BLTP1: variants seen among roughly 807,000 people sequenced by gnomAD.
BLTP1 encodes the protein bridge-like lipid transfer protein family member 1.
the BLTP1 span, chr4:122,243,886 C>G: frequency 6.2e-7 from 1 of 1,600,780 alleles, no homozygotes; most frequent in South Asian, 1.1e-5. Context: ...AAAAAACTCG[C>G]TGATAACACA....
chr4:122,355,718 T>G, the BLTP1 span: 1 of 1,427,414 alleles, frequency 7.0e-7, no homozygotes, highest in Non-Finnish European at 9.3e-7. Context: ...CTGTATATTA[T>G]AGTTGTCTTG....
the BLTP1 span, among the ~76,000 whole-genome samples, chr4:122,166,334 C>G: frequency 6.6e-6 from 1 of 152,236 alleles, no homozygotes; most frequent in African/African-American, 2.4e-5. Context: ...ATAGGGAATC[C>G]TTTCCCCATT....
chr4:122,312,305 G>A, the BLTP1 span, among the ~76,000 whole-genome samples: 5 of 152,024 alleles, frequency 3.3e-5, no homozygotes, highest in Non-Finnish European at 5.9e-5. Flanking sequence ...CAAAGCACTG[G>A]GATTATAGGT....
At chr4:122,346,908 C>A in the BLTP1 span, 1 of 1,372,288 alleles carries the variant, frequency 7.3e-7, no homozygotes, top group Non-Finnish European at 9.6e-7. Context: ...AATATGCCAA[C>A]CACAAGGGAT....
the BLTP1 span, among the ~76,000 whole-genome samples, chr4:122,280,663 A>G: frequency 8.1e-6 from 1 of 122,778 alleles, no homozygotes. Context: ...AATTCCATCT[A>G]AAAAAAAAAA....
the BLTP1 span, among the ~76,000 whole-genome samples, chr4:122,296,114 A>G: frequency 2.6e-5 from 4 of 152,262 alleles, no homozygotes; most frequent in East Asian, 7.7e-4. Flanking sequence ...GAAAGTGTAT[A>G]CAAATAGGAA....
the BLTP1 span, among the ~76,000 whole-genome samples, chr4:122,214,813 T>C: frequency 6.6e-6 from 1 of 151,926 alleles, no homozygotes; most frequent in Admixed American, 6.6e-5. Flanking sequence ...GGTTTCGCCA[T>C]GTTGCGCAGG....
At chr4:122,362,228 A>G in the BLTP1 span, 1 of 1,612,792 alleles carries the variant, frequency 6.2e-7, no homozygotes, top group Non-Finnish European at 8.5e-7. Context: ...AAGAAAGGCA[A>G]AGACAAAGAA....
At chr4:122,212,090 T>G in the BLTP1 span, 1 of 983,958 alleles carries the variant, frequency 1.0e-6, no homozygotes, top group Non-Finnish European at 1.2e-6. Context: ...GACTAGGATG[T>G]TTAGGGTTGG....
the BLTP1 span, chr4:122,199,242 G>T: frequency 7.1e-7 from 1 of 1,405,352 alleles, no homozygotes; most frequent in Non-Finnish European, 9.5e-7. Context: ...TTTAAATAGT[G>T]ACTACCATTT....
chr4:122,340,917 T>C, the BLTP1 span: 2 of 764,176 alleles, frequency 2.6e-6, no homozygotes, highest in Non-Finnish European at 3.2e-6. Flanking sequence ...CACTACAACA[T>C]TTCTGTAGTG....
the BLTP1 span, chr4:122,274,395 G>C: frequency 1.9e-6 from 3 of 1,605,002 alleles, no homozygotes; most frequent in African/African-American, 4.0e-5. Context: ...ATATTGGTGG[G>C]GTTAATATTG....
the BLTP1 span, chr4:122,339,057 G>A: frequency 1.3e-6 from 1 of 785,938 alleles, no homozygotes; most frequent in East Asian, 2.8e-5. Flanking sequence ...TAGATGTTGT[G>A]GTTTATGTAT....
chr4:122,258,563 G>A, the BLTP1 span: 1 of 1,110,154 alleles, frequency 9.0e-7, no homozygotes, highest in East Asian at 2.8e-5. Flanking sequence ...GAGAGGATTG[G>A]GGTGGGGGAG....
the BLTP1 span, chr4:122,269,192 ACAG>A: frequency 2.2e-6 from 1 of 444,516 alleles, no homozygotes; most frequent in Non-Finnish European, 3.0e-6. Flanking sequence ...ATGTATACAT[ACAG>A]TCTATGTTTT....
the BLTP1 span, chr4:122,154,131 G>A: frequency 1.4e-5 from 4 of 284,834 alleles, no homozygotes; most frequent in Non-Finnish European, 1.8e-5. Context: ...TTTTGGCTAA[G>A]TTTTAAAAAG....
the BLTP1 span, chr4:122,189,494 CTTTT>C: frequency 2.2e-6 from 2 of 895,088 alleles, no homozygotes; most frequent in Non-Finnish European, 1.3e-6. Context: ...AAAATGATAA[CTTTT>C]TTATTATTTA....
the BLTP1 span, chr4:122,244,549 TTAC>T: frequency 2.7e-6 from 1 of 364,074 alleles, no homozygotes; most frequent in Non-Finnish European, 3.8e-6. Flanking sequence ...TAATATAATA[TTAC>T]ATATTATTAT....
the BLTP1 span, among the ~76,000 whole-genome samples, chr4:122,222,202 C>T: frequency 1.3e-3 from 194 of 152,222 alleles, no homozygotes; most frequent in African/African-American, 4.5e-3. Context: ...AGTGTTGACA[C>T]GACTATTCCT....
Sources: gnomAD v4.1 joint callset for allele counts (sites outside exome capture counted in the v4.1 genomes callset) on GRCh38, gnomAD v4.1.1 for gene constraint, MANE v1.5 for transcripts, NCBI Gene and HGNC (gene_info 2026-07-23, HGNC 2026-07-21) for gene names.